Variants in ASTN1 observed in about 807,000 individuals in gnomAD.
The protein encoded by ASTN1 is astrotactin-1.
In ASTN1, 41 loss-of-function variants were observed where a neutral mutation model predicts 140.7. The ratio of observed to expected loss-of-function variants is 0.29; its 90% CI spans 0.23 to 0.38. ASTN1 has a LOEUF of 0.38. ASTN1 is among the 10% of genes least tolerant of loss of function. The pLI is 1.00. For synonymous variants in ASTN1, 640 were observed against 652.2 expected (o/e 0.98, Z 0.29); for missense variants, 1,479 against 1,678.8 (o/e 0.88, Z 2.08).
At position 176,926,626 on chromosome 1, in the gene ASTN1, G is replaced by T. The variant is rs187637323; in HGVS notation, c.2671+7526C>A. Reference sequence around the variant, plus strand: ...GCGAACATTTGTTGAATGAATGAATGAATTAATCATTTAGAGAAAATAACT... The same window carrying T: ...GCGAACATTTGTTGAATGAATGAATTAATTAATCATTTAGAGAAAATAACT... On this transcript the variant is annotated intron_variant, in intron 16 of 22. Coordinates refer to ENST00000361833, the MANE Select transcript of ASTN1 (RefSeq NM_004319.3). 2.9e-3 allele frequency among the ~76,000 whole-genome samples: 444 copies of T among 152,266 alleles called. 1 individual carries two copies. Among genetic ancestry groups the T allele is most frequent in the Middle Eastern group, 0.01 (3 of 294 alleles).
intron 9 of ASTN1, among the ~76,000 whole-genome samples, chr1:176,964,368 G>T (rs893138223): frequency 6.6e-6 from 1 of 152,116 alleles, no homozygotes; most frequent in African/African-American, 2.4e-5. Context: ...ATGTATTCAC[G>T]CCCATACTGT....
At chr1:177,056,346 G>T (rs1305736257) in intron 2 of ASTN1, among the ~76,000 whole-genome samples, 1 of 152,018 alleles carries the variant, frequency 6.6e-6, no homozygotes, top group Admixed American at 6.6e-5. Context: ...TCTGTACCTT[G>T]GGTTCACCTG....
intron 16 of ASTN1, 124 bp downstream of exon 16, chr1:176,934,028 G>T: frequency 9.5e-7 from 1 of 1,053,492 alleles, no homozygotes; most frequent in Non-Finnish European, 1.3e-6. Context: ...GATGGGCACA[G>T]AGCATTAGGG....
intron 16 of ASTN1, among the ~76,000 whole-genome samples, chr1:176,917,468 C>T (rs1670536026): frequency 6.6e-6 from 1 of 152,174 alleles, no homozygotes; most frequent in South Asian, 2.1e-4. Context: ...GGAAGACGTG[C>T]TTATCCTGGG....
At chr1:176,947,236 G>C (rs1442348777) in intron 12 of ASTN1, among the ~76,000 whole-genome samples, 1 of 152,244 alleles carries the variant, frequency 6.6e-6, no homozygotes, top group African/African-American at 2.4e-5. Context: ...TTGTTGAGAA[G>C]ATTGAGAGAC....
intron 1 of ASTN1, among the ~76,000 whole-genome samples, chr1:177,092,623 A>G (rs1679813865): frequency 6.6e-6 from 1 of 152,120 alleles, no homozygotes; most frequent in Non-Finnish European, 1.5e-5. Context: ...TAATAGTTTC[A>G]TATTTTTGGC....
At chr1:176,935,966 A>C (rs1671425248) in intron 15 of ASTN1, 2 of 434,180 alleles carry the variant, frequency 4.6e-6, no homozygotes, top group Non-Finnish European at 8.6e-6. Context: ...ATCTGCTTTT[A>C]TGTATCCTCT....
At chr1:177,104,534 T>A (rs1482810686) in intron 1 of ASTN1, among the ~76,000 whole-genome samples, 1 of 152,208 alleles carries the variant, frequency 6.6e-6, no homozygotes. Flanking sequence ...GAGTAGTGTA[T>A]AATATCCATT....
At chr1:176,944,445 G>T (rs950230933) in intron 13 of ASTN1, among the ~76,000 whole-genome samples, 2 of 152,086 alleles carry the variant, frequency 1.3e-5, no homozygotes, top group African/African-American at 4.8e-5. Flanking sequence ...ATTTTTTGTA[G>T]AGATGGGGTT....
intron 8 of ASTN1, among the ~76,000 whole-genome samples, chr1:176,992,729 T>C (rs1674248104): frequency 6.6e-6 from 1 of 152,178 alleles, no homozygotes. Context: ...GAAAAATTCA[T>C]TACTCTTCCC....
At chr1:177,083,961 T>C (rs886470543) in intron 1 of ASTN1, among the ~76,000 whole-genome samples, 1 of 152,206 alleles carries the variant, frequency 6.6e-6, no homozygotes, top group Admixed American at 6.5e-5. Context: ...CTAAGATATT[T>C]TTCTTCTTTT....
chr1:177,104,985 C>T (rs1311294129), intron 1 of ASTN1, among the ~76,000 whole-genome samples: 4 of 152,148 alleles, frequency 2.6e-5, no homozygotes, highest in Admixed American at 6.5e-5. Flanking sequence ...CATTCCTCTA[C>T]GACTACTTAG....
chr1:177,042,110 A>T (rs913847621), intron 2 of ASTN1, among the ~76,000 whole-genome samples: 1 of 152,214 alleles, frequency 6.6e-6, no homozygotes, highest in Non-Finnish European at 1.5e-5. Context: ...CTGAAGATCC[A>T]TTTCCTCTCC....
chr1:176,899,294 G>A (rs1222502761), intron 16 of ASTN1, among the ~76,000 whole-genome samples: 1 of 152,208 alleles, frequency 6.6e-6, no homozygotes, highest in African/African-American at 2.4e-5. Context: ...CCTTAGGCAT[G>A]TATATAGTGG....
chr1:176,889,098 G>T (rs556349595), intron 17 of ASTN1, among the ~76,000 whole-genome samples: 9 of 152,282 alleles, frequency 5.9e-5, no homozygotes, highest in African/African-American at 2.2e-4. Context: ...CATGCAGAGG[G>T]TTCATAGAGA....
chr1:176,972,487 A>G (rs1175505230), intron 8 of ASTN1, among the ~76,000 whole-genome samples: 1 of 152,158 alleles, frequency 6.6e-6, no homozygotes, highest in Admixed American at 6.5e-5. Context: ...TAAATGAACT[A>G]CTACTTTTTT....
chr1:177,156,223 T>C (rs1683227160), intron 1 of ASTN1, among the ~76,000 whole-genome samples: 1 of 150,404 alleles, frequency 6.6e-6, no homozygotes, highest in African/African-American at 2.5e-5. Context: ...TGAGCAGAGA[T>C]TGCACCACTG....
intron 21 of ASTN1, among the ~76,000 whole-genome samples, chr1:176,869,936 T>G (rs927812644): frequency 4.6e-5 from 7 of 151,602 alleles, no homozygotes; most frequent in African/African-American, 1.5e-4. Flanking sequence ...CTAGACCAGG[T>G]GCAAAGGCAG....
chr1:177,136,354 C>CA (rs1682198209), intron 1 of ASTN1, among the ~76,000 whole-genome samples: 1 of 131,124 alleles, frequency 7.6e-6, no homozygotes, highest in South Asian at 2.3e-4. Flanking sequence ...ATTTTTCTTC[C>CA]TTTTTTTTTT....
Sources: gnomAD v4.1 joint callset for allele counts (sites outside exome capture counted in the v4.1 genomes callset) on GRCh38, gnomAD v4.1.1 for gene constraint, MANE v1.5 for transcripts, NCBI Gene and HGNC (gene_info 2026-07-23, HGNC 2026-07-21) for gene names.